Variants in PTPRT observed in about 807,000 individuals in gnomAD.
PTPRT encodes the protein receptor-type tyrosine-protein phosphatase T.
A neutral mutation model predicts 176.8 loss-of-function variants in PTPRT; 56 were observed. The ratio of observed to expected loss-of-function variants is 0.32; its 90% CI spans 0.26 to 0.40. PTPRT has a LOEUF of 0.40. PTPRT is among the 10% of genes least tolerant of loss of function. PTPRT has a pLI of 1.00. For synonymous variants in PTPRT, 783 were observed against 739.0 expected, an observed-to-expected ratio of 1.06 and a Z score of -0.96; for missense variants, 1,540 against 1,908.2, an observed-to-expected ratio of 0.81 and a Z score of 3.60.
chr20:43,127,252 T>A (rs563114106), intron 1 of PTPRT, among the ~76,000 whole-genome samples: 14 of 151,768 alleles, frequency 9.2e-5, no homozygotes, highest in African/African-American at 3.1e-4. Flanking sequence ...TGAAACCCTA[T>A]CTCTACTAAA....
the PTPRT span, among the ~76,000 whole-genome samples, chr20:42,036,936 A>G: frequency 6.6e-6 from 1 of 152,356 alleles, no homozygotes; most frequent in Admixed American, 6.5e-5. Context: ...CCAAGATTGA[A>G]TAACTCATTT....
At chr20:42,344,381 G>A (rs1293878455) in intron 11 of PTPRT, among the ~76,000 whole-genome samples, 13 of 152,196 alleles carry the variant, frequency 8.5e-5, no homozygotes, top group Admixed American at 8.5e-4. Flanking sequence ...TCTGATTTTA[G>A]GAGCCACTCC....
intron 2 of PTPRT, among the ~76,000 whole-genome samples, chr20:42,802,330 T>C (rs980986745): frequency 4.6e-5 from 7 of 152,190 alleles, no homozygotes; most frequent in African/African-American, 1.7e-4. Flanking sequence ...TTAAACTACC[T>C]CCTACCCTGG....
chr20:42,928,521 G>T (rs991961681), intron 1 of PTPRT, among the ~76,000 whole-genome samples: 5 of 152,188 alleles, frequency 3.3e-5, no homozygotes, highest in African/African-American at 4.8e-5. Flanking sequence ...ATATGTCGGG[G>T]TGAGTGACAA....
At chr20:43,012,764 C>T (rs1600647075) in intron 1 of PTPRT, among the ~76,000 whole-genome samples, 1 of 152,054 alleles carries the variant, frequency 6.6e-6, no homozygotes, top group Non-Finnish European at 1.5e-5. Flanking sequence ...CAGGAGCCAC[C>T]GGGAGGTTAT....
intron 1 of PTPRT, among the ~76,000 whole-genome samples, chr20:42,957,488 A>T (rs1981712054): frequency 6.6e-6 from 1 of 152,082 alleles, no homozygotes; most frequent in African/African-American, 2.4e-5. Flanking sequence ...CTGGAGAGAG[A>T]CGCCAGAGCA....
At chr20:42,507,379 T>C (rs1240201708) in intron 7 of PTPRT, among the ~76,000 whole-genome samples, 1 of 151,982 alleles carries the variant, frequency 6.6e-6, no homozygotes, top group African/African-American at 2.4e-5. Flanking sequence ...GAGACATATG[T>C]CACTTACACT....
intron 7 of PTPRT, among the ~76,000 whole-genome samples, chr20:42,610,597 A>C (rs1395979061): frequency 2.6e-5 from 4 of 152,110 alleles, no homozygotes; most frequent in African/African-American, 9.7e-5. Context: ...GTGAGACAGG[A>C]AGGGGTTTAG....
chr20:42,170,941 G>T (rs1324474255), intron 16 of PTPRT, among the ~76,000 whole-genome samples: 1 of 152,124 alleles, frequency 6.6e-6, no homozygotes, highest in African/African-American at 2.4e-5. Flanking sequence ...TATTATTGAT[G>T]TAGAAATACT....
chr20:42,670,066 G>A (rs2075387417), intron 7 of PTPRT, among the ~76,000 whole-genome samples: 1 of 152,254 alleles, frequency 6.6e-6, no homozygotes, highest in Non-Finnish European at 1.5e-5. Flanking sequence ...CTTCTCAGCA[G>A]TGATCAGAGC....
At chr20:42,437,691 GCCCA>G (rs2059274722) in intron 9 of PTPRT, among the ~76,000 whole-genome samples, 2 of 152,092 alleles carry the variant, frequency 1.3e-5, no homozygotes, top group African/African-American at 4.8e-5. Flanking sequence ...AAGAAAAAAT[GCCCA>G]TTGACTTAAG....
intron 7 of PTPRT, among the ~76,000 whole-genome samples, chr20:42,603,206 T>C (rs1214648124): frequency 4.0e-5 from 6 of 151,836 alleles, no homozygotes; most frequent in African/African-American, 1.5e-4. Context: ...AAGAAGACAA[T>C]AAACAGGAGA....
chr20:42,748,179 T>G (rs907471922), intron 6 of PTPRT, among the ~76,000 whole-genome samples: 1 of 152,196 alleles, frequency 6.6e-6, no homozygotes, highest in Non-Finnish European at 1.5e-5. Context: ...AAGCTGAAAC[T>G]ATTGACTCTA....
At chr20:43,028,469 C>T (rs1986009504) in intron 1 of PTPRT, among the ~76,000 whole-genome samples, 1 of 152,202 alleles carries the variant, frequency 6.6e-6, no homozygotes, top group South Asian at 2.1e-4. Context: ...ATATCCTGCA[C>T]TATCCTTACC....
At chr20:42,727,592 T>C (rs2076400175) in intron 6 of PTPRT, among the ~76,000 whole-genome samples, 1 of 152,148 alleles carries the variant, frequency 6.6e-6, no homozygotes, top group African/African-American at 2.4e-5. Context: ...CAGTGAATGC[T>C]TGCAGGAAAG....
chr20:42,195,783 A>G (rs1991193236), intron 16 of PTPRT, among the ~76,000 whole-genome samples: 1 of 152,194 alleles, frequency 6.6e-6, no homozygotes, highest in African/African-American at 2.4e-5. Flanking sequence ...CTCTCTCTGT[A>G]TATTTACGTG....
chr20:43,149,983 A>C lies in PTPRT; in HGVS notation c.88+39663T>G, dbSNP rs535106052. ...AGAATATTAAACTGTAAAGACCAGA[A>C]AAGAATTTCCAGATAATCCTCATCT... is the stretch of plus-strand genomic sequence containing the variant. On this transcript the variant is annotated intron_variant, in intron 1 of 30. Transcript: ENST00000373187. Among the ~76,000 whole-genome samples the C allele has an allele frequency of 5.9e-5, 9 of 152,370 alleles. No individual in the cohort carries two copies. The East Asian group carries it at 1.7e-3, about 29-fold the overall frequency.
chr20:42,328,302 A>G (rs1190886324), intron 11 of PTPRT, among the ~76,000 whole-genome samples: 1 of 152,112 alleles, frequency 6.6e-6, no homozygotes. Context: ...AGAATAAACA[A>G]CACTAGAGCC....
At chr20:42,741,075 G>A (rs2076602305) in intron 6 of PTPRT, among the ~76,000 whole-genome samples, 1 of 152,178 alleles carries the variant, frequency 6.6e-6, no homozygotes, top group Admixed American at 6.5e-5. Context: ...GACAGAAGGT[G>A]TAAGGAGTGA....
Sources: allele counts gnomAD v4.1 joint callset (sites outside exome capture counted in the v4.1 genomes callset), GRCh38; gene constraint gnomAD v4.1.1; transcripts MANE v1.5; gene names NCBI Gene and HGNC (gene_info 2026-07-23, HGNC 2026-07-21).